Variants in TTLL8 observed in about 807,000 individuals in gnomAD.
TTLL8 encodes the protein protein monoglycylase TTLL8.
Under a neutral mutation model 77.8 loss-of-function variants are expected in TTLL8, and 65 were observed. The ratio of observed to expected loss-of-function variants is 0.84; its 90% confidence interval spans 0.68 to 1.03. TTLL8 has a LOEUF of 1.03. Among genes scored for constraint, TTLL8 ranks in the 50% least tolerant of loss-of-function variants. TTLL8 has a pLI of 0.00. For missense variants in TTLL8, 910 were observed against 1,004.5 expected (o/e 0.91, Z 1.27); for synonymous variants, 402 against 422.8 (o/e 0.95, Z 0.60).
rs539268402 is a variant in TTLL8 at position 50,046,609 on chromosome 22, T to A, written c.393+559A>T. ...GTATTAGGTGCGGAAGGGAACCTTGTCCTGCACCTCCGCCCCACACTGTGC... is the reference window on the plus strand; with the variant it reads ...GTATTAGGTGCGGAAGGGAACCTTGACCTGCACCTCCGCCCCACACTGTGC... On this transcript the variant is annotated intron_variant, in intron 4 of 13. Transcript: ENST00000266182. Among the ~76,000 whole-genome samples the A allele has an allele frequency of 4.6e-5, 7 of 152,336 alleles. No homozygotes were observed. In the South Asian group the frequency reaches 1.4e-3, roughly 32 times the overall value.
intron 12 of TTLL8, among the ~76,000 whole-genome samples, chr22:50,029,648 GC>G (rs1374612267): frequency 6.6e-6 from 1 of 152,080 alleles, no homozygotes; most frequent in Non-Finnish European, 1.5e-5. Flanking sequence ...GGAGAATGGC[GC>G]GAACCCGGGA....
rs192446786 is a variant in TTLL8, at chr22:50,028,808, C to A, written c.2203+1622G>T. On this transcript the variant is annotated intron_variant, in intron 12 of 13. Transcript: ENST00000266182. ...ACACCGTCCTGAAGACCCCACACAC[C>A]CTCGTAAAGACCCCCATCACGCTGT... is the stretch of plus-strand genomic sequence containing the variant. 1.4e-3 allele frequency among the ~76,000 whole-genome samples: 30 copies of A among 21,928 alleles called. 3 individuals carry two copies. Among genetic ancestry groups the A allele is most frequent in the Middle Eastern group, 0.042 (1 of 24 alleles). The allele number at this position is 21,928 out of a possible 152,430, so 14.4% of individuals were successfully genotyped here.
At position 50,033,192 on chromosome 22, in the gene TTLL8, C is replaced by G; in HGVS notation, c.1283+10G>C. ...TGGCCCGAGGTGTCCAGGTCGCCCA[C>G]CGCACTGACCTGTCCAGCTTGTCCA... On this transcript the variant is annotated intron_variant, in intron 10 of 13. Transcript: ENST00000266182. The G allele has an allele frequency of 2.5e-6, 1 of 397,588 alleles. No individual in the cohort carries two copies. The highest frequency in any genetic ancestry group is 3.9e-6 in the Non-Finnish European group (1 of 257,428). 24.6% of individuals were successfully genotyped at this position (397,588 alleles called of 1,614,324 possible). A position where few individuals can be genotyped will look rare whatever the true frequency, so the allele number is the denominator to read the frequency against.
At chr22:50,056,833 C>T (rs1373073478), upstream of TTLL8, 3 of 1,289,506 alleles carry the variant, frequency 2.3e-6, no homozygotes, top group South Asian at 2.5e-5. This position sits in a 1 kb window ranked among gnomAD's most constrained non-coding sequence, Gnocchi z 4.1. Context: ...CCACTCTGGG[C>T]GAGTGGCTGG....
chr22:50,031,026 C>G (rs921700014), intron 11 of TTLL8, 101 bp from the exon 13 acceptor site: 1 of 1,085,312 alleles, frequency 9.2e-7, no homozygotes, highest in African/African-American at 1.7e-5. Context: ...GGCACAGACC[C>G]CCACCTGACT....
rs575342715 is a variant in TTLL8, at chr22:50,043,545, GGATA to G, written c.643+1706_643+1709del. 2.7e-5 allele frequency among the ~76,000 whole-genome samples: 4 copies of G among 147,062 alleles called. No homozygotes were observed. In the East Asian group the frequency reaches 6.0e-4, roughly 22 times the overall value. ...GGTACCGAGACACCCTTCGTTAGAT[GGATA>G]GATAGATAAACAGTGGTGCCAACAT... is the stretch of plus-strand genomic sequence containing the variant. On this transcript the variant is annotated intron_variant, in intron 6 of 13. Transcript: ENST00000266182.
rs568050816 is a variant in TTLL8 at position 50,044,990 on chromosome 22, G to T, written c.643+265C>A. ...GGCTGGAACCACGTCCGCGGCACAG[G>T]ACTGTGGCAGTGAGTGTGGGACTCG... On this transcript the variant is annotated intron_variant, in intron 6 of 13. Transcript: ENST00000266182. This position sits in a 1 kb window ranked among gnomAD's most constrained non-coding sequence, Gnocchi z 4.2. Among the ~76,000 whole-genome samples, 3 of 152,310 alleles carry T rather than the reference G, an allele frequency of 2.0e-5. No individual in the cohort carries two copies. In the East Asian group the frequency reaches 5.8e-4, roughly 29 times the overall value.
chr22:50,040,523 G>T (rs749354146), intron 8 of TTLL8, among the ~76,000 whole-genome samples: 2 of 152,236 alleles, frequency 1.3e-5, no homozygotes, highest in Non-Finnish European at 2.9e-5. Context: ...GGGTTCTCCC[G>T]GGAAAGGTTA....
rs2061371134 is a variant in TTLL8 at position 50,041,577 on chromosome 22, C to T, written c.830+44G>A. 1.5e-6 allele frequency: 2 copies of T among 1,301,054 alleles called. No homozygotes were observed. Among genetic ancestry groups the T allele is most frequent in the African/African-American group, 1.5e-5 (1 of 65,564 alleles). The allele number at this position is 1,301,054 out of a possible 1,614,324, so 80.6% of individuals were successfully genotyped here. A position where few individuals can be genotyped will look rare whatever the true frequency, so the allele number is the denominator to read the frequency against. On this transcript the variant is annotated intron_variant, in intron 7 of 13. Transcript: ENST00000266182. The surrounding 1 kb of genome is among the most constrained non-coding windows in gnomAD (Gnocchi z 4.3). ...CTGCCCCGGCAGCTCCTGCAATCTGCACTCACAGCTCCGACATGTGCCAGG... is the reference window on the plus strand; with the variant it reads ...CTGCCCCGGCAGCTCCTGCAATCTGTACTCACAGCTCCGACATGTGCCAGG...
chr22:50,056,520 C>A (rs530071465), upstream of TTLL8, among the ~76,000 whole-genome samples: 1 of 152,282 alleles, frequency 6.6e-6, no homozygotes, highest in South Asian at 2.1e-4. The surrounding 1 kb of genome is among the most constrained non-coding windows in gnomAD (Gnocchi z 4.1). Context: ...CATTTACCCA[C>A]GCAACGAAGA....
Position 50,033,454 on chromosome 22 carries a change from G to C in TTLL8, c.1040-9C>G, listed in dbSNP as rs2061313435. 7.4e-7 allele frequency: 1 copy of C among 1,357,376 alleles called. No individual in the cohort carries two copies. Among genetic ancestry groups the C allele is most frequent in the Admixed American group, 1.9e-5 (1 of 52,410 alleles). 84.1% of individuals were successfully genotyped at this position (1,357,376 alleles called of 1,614,324 possible). ...GTCCATGCACACTATGTCTGCAAGA[G>C]GCCACCGCTCAACCCAGCATGCACA... is the stretch of plus-strand genomic sequence containing the variant. On this transcript the variant is annotated splice_polypyrimidine_tract_variant and intron_variant, in intron 9 of 13. Coordinates refer to ENST00000266182, the Ensembl canonical transcript of TTLL8.
intron 8 of TTLL8, among the ~76,000 whole-genome samples, chr22:50,037,637 C>A (rs1039525201): frequency 2.0e-5 from 3 of 152,068 alleles, no homozygotes; most frequent in Non-Finnish European, 4.4e-5. Flanking sequence ...AGTGAAAAGA[C>A]CAACCTTTCC....
intron 8 of TTLL8, among the ~76,000 whole-genome samples, chr22:50,039,401 G>T (rs2061354913): frequency 6.6e-6 from 1 of 152,162 alleles, no homozygotes; most frequent in African/African-American, 2.4e-5. Context: ...AAGGAGAGAA[G>T]AGAGAACAGG....
intron 2 of TTLL8, among the ~76,000 whole-genome samples, chr22:50,049,789 T>A (rs2061433494): frequency 6.6e-6 from 1 of 152,050 alleles, no homozygotes; most frequent in African/African-American, 2.4e-5. Context: ...AGGAGTGGAC[T>A]TCAGGGACCT....
chr22:50,056,882 C>A (rs768340059), upstream of TTLL8: 1 of 1,289,716 alleles, frequency 7.8e-7, no homozygotes, highest in Admixed American at 2.3e-5. The surrounding 1 kb of genome is among the most constrained non-coding windows in gnomAD (Gnocchi z 4.1). Flanking sequence ...TTTCTTCTCT[C>A]CCGTCTCCAT....
chr22:50,047,231 A>G (rs756349448), exon 4 of TTLL8: 39 of 1,367,546 alleles, frequency 2.9e-5, no homozygotes, highest in Non-Finnish European at 3.7e-5. Flanking sequence ...TCAGGCTGTG[A>G]TAGTCAATGA....
Position 50,032,045 on chromosome 22 carries a change from G to A in TTLL8, c.1348C>T (p.Leu450=), listed in dbSNP as rs756823323. 16 of 1,366,004 alleles carry A rather than the reference G, an allele frequency of 1.2e-5. No individual in the cohort carries two copies. In the African/African-American group the frequency reaches 2.2e-4, roughly 19 times the overall value. 84.6% of individuals were successfully genotyped at this position (1,366,004 alleles called of 1,614,324 possible). The change falls in exon 11 of 14, where the codon CTG becomes TTG. Residue 450 remains leucine, a synonymous_variant. Coordinates refer to ENST00000266182, the Ensembl canonical transcript of TTLL8. ...GTCCACATGTTGTGTGCGGGCAGCAGGGGGCTGCGGCCCACATCATTCTTC... is the reference window on the plus strand; with the variant it reads ...GTCCACATGTTGTGTGCGGGCAGCAAGGGGCTGCGGCCCACATCATTCTTC...
chr22:50,058,111 G>GCGCGGACGGGCCTGGGGTTC (rs1267371422), upstream of TTLL8, among the ~76,000 whole-genome samples: 2 of 151,762 alleles, frequency 1.3e-5, no homozygotes, highest in Non-Finnish European at 2.9e-5. This position sits in a 1 kb window ranked among gnomAD's most constrained non-coding sequence, Gnocchi z 4.2. Flanking sequence ...GGGATCGGAA[G>GCGCGGACGGGCCTGGGGTTC]CGCGGACGGG....
intron 3 of TTLL8, among the ~76,000 whole-genome samples, chr22:50,048,467 C>G (rs541515819): frequency 6.6e-6 from 1 of 152,252 alleles, no homozygotes; most frequent in African/African-American, 2.4e-5. Flanking sequence ...GTCCATGAAG[C>G]AGGACACTCT....
Sources: gnomAD v4.1 joint callset for allele counts (sites outside exome capture counted in the v4.1 genomes callset) on GRCh38, gnomAD v4.1.1 for gene constraint, Gnocchi (gnomAD v3.1) non-coding constraint, MANE v1.5 for transcripts, NCBI Gene and HGNC (gene_info 2026-07-23, HGNC 2026-07-21) for gene names.